DNAH14: variants seen among roughly 807,000 people sequenced by gnomAD.
The protein encoded by DNAH14 is axonemal beta dynein heavy chain 14.
In DNAH14, 478 loss-of-function variants were observed where a neutral mutation model predicts 520.9. The ratio of observed to expected loss-of-function variants is 0.92; its 90% CI spans 0.85 to 0.99. The LOEUF (loss-of-function observed/expected upper bound fraction) is 0.99, where lower values mean the gene tolerates loss of function less well. Among genes scored for constraint, DNAH14 ranks in the 50% least tolerant of loss-of-function variants. DNAH14 has a pLI of 0.00. For synonymous variants in DNAH14, 1,581 were observed against 1,757.2 expected, an observed-to-expected ratio of 0.90 and a Z score of 2.51; for missense variants, 4,831 against 5,234.5, an observed-to-expected ratio of 0.92 and a Z score of 2.38.
At chr1:225,254,766 A>C (rs77946703) in intron 44 of DNAH14, among the ~76,000 whole-genome samples, 6,704 of 152,286 alleles carry the variant, frequency 0.044, 248 homozygotes, top group Non-Finnish European at 0.067. Flanking sequence ...CAAAAGGAAG[A>C]CTGTGGACCT....
intron 8 of DNAH14, among the ~76,000 whole-genome samples, chr1:224,986,980 T>C (rs551475735): frequency 6.6e-6 from 1 of 152,314 alleles, no homozygotes; most frequent in South Asian, 2.1e-4. Flanking sequence ...AATTCAGTAA[T>C]GTTACAGGAT....
chr1:224,967,253 C>A lies in DNAH14; in HGVS notation c.499-178C>A, dbSNP rs1572113865. On this transcript the variant is annotated intron_variant, in intron 5 of 85. Coordinates refer to ENST00000682510, the MANE Select transcript of DNAH14 (RefSeq NM_001367479.1). ...ATATTAAATCTTTCATAAGATTGAT[C>A]TTGTTGAACATTGTTTAGACATAAT... is the stretch of plus-strand genomic sequence containing the variant. 3.9e-5 allele frequency among the ~76,000 whole-genome samples: 6 copies of A among 152,036 alleles called. 1 individual carries two copies. The highest frequency in any genetic ancestry group is 3.9e-4 in the Admixed American group (6 of 15,270).
intron 8 of DNAH14, among the ~76,000 whole-genome samples, chr1:224,986,549 T>C (rs964624766): frequency 2.0e-5 from 3 of 152,142 alleles, no homozygotes; most frequent in African/African-American, 7.2e-5. Context: ...TGTGAAACAT[T>C]ATATCAACAG....
chr1:224,949,294 G>T (rs1234864915), intron 1 of DNAH14, among the ~76,000 whole-genome samples: 2 of 152,062 alleles, frequency 1.3e-5, no homozygotes, highest in Non-Finnish European at 2.9e-5. Flanking sequence ...TTGGCATTCT[G>T]CAGTTTCACT....
chr1:225,258,840 A>G (rs1295453804), intron 45 of DNAH14, among the ~76,000 whole-genome samples: 1 of 152,174 alleles, frequency 6.6e-6, no homozygotes, highest in Non-Finnish European at 1.5e-5. Context: ...TTCATGTTGT[A>G]GTTCTGTGCT....
intron 17 of DNAH14, among the ~76,000 whole-genome samples, chr1:225,054,934 AG>A (rs1279656809): frequency 6.6e-6 from 1 of 152,114 alleles, no homozygotes; most frequent in Non-Finnish European, 1.5e-5. Context: ...TCAATCTGTT[AG>A]CTTATAACAT....
chr1:225,163,262 G>A (rs562013472), intron 35 of DNAH14, among the ~76,000 whole-genome samples: 18 of 151,162 alleles, frequency 1.2e-4, no homozygotes, highest in East Asian at 1.9e-4. Flanking sequence ...TTTTGGTAGC[G>A]TCTCCAAGTT....
At chr1:225,351,315 C>T (rs913039057) in intron 71 of DNAH14, among the ~76,000 whole-genome samples, 9 of 152,044 alleles carry the variant, frequency 5.9e-5, no homozygotes, top group Admixed American at 2.0e-4. Flanking sequence ...CACTTGGAAC[C>T]GGGAAGCAAA....
chr1:225,389,384 T>C (rs2095877279), intron 82 of DNAH14, among the ~76,000 whole-genome samples: 1 of 152,254 alleles, frequency 6.6e-6, no homozygotes, highest in Admixed American at 6.5e-5. Flanking sequence ...TAACTATAAG[T>C]GTAGCAACAG....
chr1:225,160,056 G>A (rs1035835713), intron 35 of DNAH14, among the ~76,000 whole-genome samples: 1 of 152,048 alleles, frequency 6.6e-6, no homozygotes, highest in South Asian at 2.1e-4. Flanking sequence ...ATTTGACCAC[G>A]TTAGCAAAGC....
intron 54 of DNAH14, among the ~76,000 whole-genome samples, chr1:225,286,926 A>G (rs2093759512): frequency 6.6e-6 from 1 of 152,208 alleles, no homozygotes; most frequent in Admixed American, 6.5e-5. Context: ...TCAAGCCACA[A>G]AAAGACATGG....
chr1:225,124,531 A>C (rs1289982297), intron 27 of DNAH14, among the ~76,000 whole-genome samples: 1 of 152,242 alleles, frequency 6.6e-6, no homozygotes, highest in African/African-American at 2.4e-5. Flanking sequence ...TTGCTCATCC[A>C]TAAGAGGCAA....
intron 34 of DNAH14, among the ~76,000 whole-genome samples, chr1:225,154,872 T>A (rs944697011): frequency 6.6e-6 from 1 of 152,034 alleles, no homozygotes; most frequent in South Asian, 2.1e-4. Flanking sequence ...ATTGATAAAC[T>A]AGGGAAAAAA....
intron 12 of DNAH14, among the ~76,000 whole-genome samples, chr1:225,041,919 C>T (rs749344908): frequency 1.3e-5 from 2 of 151,978 alleles, no homozygotes; most frequent in Non-Finnish European, 2.9e-5. Flanking sequence ...TCCATTTAAC[C>T]GTTTTTAGGT....
rs947242382 is a variant in DNAH14, at chr1:225,207,134, T to G, written c.6353T>G (p.Met2118Arg). Reference sequence around the variant, plus strand: ...CGTCAGAAATTTCAGCCATATCCTATGGAGGACATAACAGTCGTCATAACC... The same window carrying G: ...CGTCAGAAATTTCAGCCATATCCTAGGGAGGACATAACAGTCGTCATAACC... The part of the protein sequence containing the change: ...RNRQKFQPYP[M>R]EDITVVITLC... Residue 2118 changes from methionine (M) to arginine (R), a missense_variant, in exon 41 of 86, where the codon ATG becomes AGG. By Grantham distance (91) the Met-to-Arg change is moderately conservative. Transcript: ENST00000682510. 3 of 1,551,038 alleles carry G rather than the reference T, an allele frequency of 1.9e-6. No individual in the cohort carries two copies. The highest frequency in any genetic ancestry group is 2.4e-5 in the East Asian group (1 of 40,860).
chr1:225,192,703 A>G lies in DNAH14; in HGVS notation c.5678A>G (p.Glu1893Gly). 1 of 1,545,576 alleles carries G rather than the reference A, an allele frequency of 6.5e-7. No individual in the cohort carries two copies. ...AERKSASKIS[E>G]RKGKVDICVL... Reference sequence around the variant, plus strand: ...ACACTGGATTTTTCCCAGATTTCAGAAAGAAAAGGAAAAGTAGATATTTGT... The same window carrying G: ...ACACTGGATTTTTCCCAGATTTCAGGAAGAAAAGGAAAAGTAGATATTTGT... The change falls in exon 38 of 86, where the codon GAA (glutamate) becomes GGA (glycine). Residue 1893 changes from glutamate to glycine, a missense_variant. Coordinates refer to ENST00000682510, the MANE Select transcript of DNAH14 (RefSeq NM_001367479.1).
intron 8 of DNAH14, among the ~76,000 whole-genome samples, chr1:224,979,584 A>G (rs936748781): frequency 6.6e-6 from 1 of 152,152 alleles, no homozygotes; most frequent in African/African-American, 2.4e-5. Flanking sequence ...ATTCTTGAAC[A>G]AGTCCTAGTG....
intron 34 of DNAH14, among the ~76,000 whole-genome samples, chr1:225,157,717 A>T (rs1470880157): frequency 1.3e-5 from 2 of 152,144 alleles, no homozygotes; most frequent in African/African-American, 4.8e-5. Context: ...GGCCATTGTC[A>T]TTCCCTAGGA....
In DNAH14 at chr1:225,379,097, T is replaced by C. The variant is rs1443772823; in HGVS notation, c.12717-1062T>C. Among the ~76,000 whole-genome samples, 4 of 152,044 alleles carry C rather than the reference T, an allele frequency of 2.6e-5. No homozygotes were observed. The East Asian group carries it at 7.7e-4, about 29-fold the overall frequency. ...TTTTGCATAGTATCGCAGCCTCACC[T>C]AGGCCTGGACACGCGCTCCTCCTGT... On this transcript the variant is annotated intron_variant, in intron 79 of 85. Transcript: ENST00000682510.
Sources: gnomAD v4.1 joint callset for allele counts (sites outside exome capture counted in the v4.1 genomes callset) on GRCh38, gnomAD v4.1.1 for gene constraint, MANE v1.5 for transcripts, NCBI Gene and HGNC (gene_info 2026-07-23, HGNC 2026-07-21) for gene names.